The following APP variants were observed in gnomAD, a reference collection of about 807,000 sequenced individuals.
APP encodes amyloid-beta precursor protein.
In APP, 31 loss-of-function variants were observed where a neutral mutation model predicts 101.4. The ratio of observed to expected loss-of-function variants is 0.31; its 90% CI spans 0.23 to 0.41. The LOEUF (loss-of-function observed/expected upper bound fraction) is 0.41. Ranked by LOEUF, APP falls within the 10% of genes least tolerant of loss-of-function variation. The probability of loss-of-function intolerance (pLI) is 1.00; values close to 1 mark genes in which losing one functional copy is unlikely to be tolerated. For synonymous variants in APP, 366 were observed against 364.4 expected, an observed-to-expected ratio of 1.00 and a Z score of -0.05; for missense variants, 839 against 1,003.7, an observed-to-expected ratio of 0.84 and a Z score of 2.22.
chr21:25,921,433 A>C (rs1469873791), intron 13 of APP, among the ~76,000 whole-genome samples: 7 of 147,260 alleles, frequency 4.8e-5, no homozygotes, highest in Non-Finnish European at 1.1e-4. Flanking sequence ...AAATCAATGA[A>C]TCCAGGAGCT....
intron 3 of APP, among the ~76,000 whole-genome samples, chr21:26,055,387 A>G (rs1403034210): frequency 2.0e-5 from 3 of 152,240 alleles, no homozygotes; most frequent in Admixed American, 6.5e-5. Context: ...AAATGATACC[A>G]CATTTCTCTT....
At chr21:26,055,366 C>T (rs2045999166) in intron 3 of APP, among the ~76,000 whole-genome samples, 1 of 152,128 alleles carries the variant, frequency 6.6e-6, no homozygotes, top group South Asian at 2.1e-4. Context: ...AAAGAAATAA[C>T]ATGATAATGC....
chr21:26,151,133 T>C (rs972734284), intron 1 of APP, among the ~76,000 whole-genome samples: 5 of 152,218 alleles, frequency 3.3e-5, no homozygotes, highest in Non-Finnish European at 7.3e-5. Context: ...AAGATTCTTA[T>C]ATCTTTGGAA....
intron 1 of APP, among the ~76,000 whole-genome samples, chr21:26,163,043 T>C (rs867042710): frequency 7.0e-6 from 1 of 143,290 alleles, no homozygotes; most frequent in Non-Finnish European, 1.5e-5. Flanking sequence ...CCCTGGCCAA[T>C]GTAGTGAAAC....
chr21:26,127,199 T>TA (rs35029493), intron 1 of APP, among the ~76,000 whole-genome samples: 27 of 149,456 alleles, frequency 1.8e-4, no homozygotes, highest in East Asian at 1.8e-3. Context: ...AGCTTTCATT[T>TA]AAAAAAAAAA....
At chr21:25,982,689 T>G (rs2042480430) in intron 8 of APP, among the ~76,000 whole-genome samples, 2 of 152,144 alleles carry the variant, frequency 1.3e-5, no homozygotes, top group Non-Finnish European at 2.9e-5. Context: ...AAGTACAGAA[T>G]GAAGGAAAAA....
rs370068848 is a variant in APP, at chr21:25,925,911, T to C, written c.1688-13949A>G. 2.4e-4 allele frequency among the ~76,000 whole-genome samples: 36 copies of C among 152,330 alleles called. No individual in the cohort carries two copies. In the South Asian group the frequency reaches 2.9e-3, roughly 12 times the overall value. On this transcript the variant is annotated intron_variant, in intron 13 of 17. Transcript: ENST00000346798. ...AGATTGTGCCAACTGCACGCCATCC[T>C]GGGCAACAGAGCAAGGCTCTGTCTC... is the stretch of plus-strand genomic sequence containing the variant.
intron 1 of APP, among the ~76,000 whole-genome samples, chr21:26,118,517 T>C (rs2062487771): frequency 6.6e-6 from 1 of 152,204 alleles, no homozygotes; most frequent in South Asian, 2.1e-4. Context: ...AGTTCATCTC[T>C]TTCATTCTGT....
intron 14 of APP, among the ~76,000 whole-genome samples, chr21:25,906,283 T>G (rs1392578102): frequency 6.6e-6 from 1 of 152,246 alleles, no homozygotes; most frequent in Admixed American, 6.5e-5. Flanking sequence ...TCCTTTCTCA[T>G]GTAGAGACTG....
chr21:26,058,970 A>G (rs941244841), intron 3 of APP, among the ~76,000 whole-genome samples: 1 of 151,600 alleles, frequency 6.6e-6, no homozygotes, highest in African/African-American at 2.4e-5. Flanking sequence ...AGTCCCAGCT[A>G]CTCGGGAGGC....
At chr21:26,083,362 C>T (rs2061635543) in intron 3 of APP, among the ~76,000 whole-genome samples, 2 of 152,068 alleles carry the variant, frequency 1.3e-5, no homozygotes, top group African/African-American at 2.4e-5. Flanking sequence ...ATTATGCTCT[C>T]CAAGAATATT....
At chr21:26,159,801 C>CTG (rs1372452793) in intron 1 of APP, among the ~76,000 whole-genome samples, 1 of 152,102 alleles carries the variant, frequency 6.6e-6, no homozygotes, top group Non-Finnish European at 1.5e-5. Context: ...TCTCAATAAA[C>CTG]TGAAGGGATG....
At chr21:26,159,248 T>C (rs1490232634) in intron 1 of APP, among the ~76,000 whole-genome samples, 4 of 152,096 alleles carry the variant, frequency 2.6e-5, no homozygotes, top group East Asian at 1.9e-4. Flanking sequence ...CCCGGTTAAT[T>C]TGTTGTATTT....
intron 1 of APP, among the ~76,000 whole-genome samples, chr21:26,162,563 A>G (rs1219506519): frequency 6.6e-6 from 1 of 152,102 alleles, no homozygotes; most frequent in African/African-American, 2.4e-5. Context: ...GGGCAGGTCT[A>G]AAACACGTTA....
chr21:26,094,699 G>A (rs192361477), intron 2 of APP, among the ~76,000 whole-genome samples: 4 of 150,922 alleles, frequency 2.7e-5, no homozygotes, highest in African/African-American at 9.7e-5. Flanking sequence ...AAATACAAAT[G>A]TTCTCGTGGC....
chr21:26,151,536 T>C (rs893814024), intron 1 of APP, among the ~76,000 whole-genome samples: 2 of 152,172 alleles, frequency 1.3e-5, no homozygotes, highest in African/African-American at 4.8e-5. Flanking sequence ...ACAGCAGCAA[T>C]TTATAGCAGT....
Position 26,156,115 on chromosome 21 carries a change from G to A in APP, c.57+14449C>T, listed in dbSNP as rs557746965. 4.7e-4 allele frequency among the ~76,000 whole-genome samples: 71 copies of A among 151,858 alleles called. 1 individual carries two copies. The South Asian group carries it at 0.012, about 25-fold the overall frequency. On this transcript the variant is annotated intron_variant, in intron 1 of 17. Transcript: ENST00000346798. ...TGGATGTGCCTTTATGCAGGCACTT[G>A]TGGCCTTTTTGTTTTCTTTGAATTA... is the stretch of plus-strand genomic sequence containing the variant.
chr21:25,983,292 A>G (rs1475171900), intron 8 of APP, among the ~76,000 whole-genome samples: 1 of 152,224 alleles, frequency 6.6e-6, no homozygotes, highest in Admixed American at 6.5e-5. Flanking sequence ...CAAAAAGAAA[A>G]AAGAATTTTG....
chr21:26,158,262 G>A (rs1226793820), intron 1 of APP: 1 of 152,236 alleles, frequency 6.6e-6, no homozygotes, highest in Non-Finnish European at 1.5e-5. Context: ...TAGCAGATAA[G>A]AGAAGGTAAG....
Sources: allele counts gnomAD v4.1 joint callset (sites outside exome capture counted in the v4.1 genomes callset), GRCh38; gene constraint gnomAD v4.1.1; transcripts MANE v1.5; gene names NCBI Gene and HGNC (gene_info 2026-07-23, HGNC 2026-07-21).